Variants in GJA1 observed in about 807,000 individuals in gnomAD.
GJA1 encodes gap junction alpha-1 protein.
In GJA1, 9 loss-of-function variants were observed where a neutral mutation model predicts 31.0. The ratio of observed to expected loss-of-function variants is 0.29; its 90% CI spans 0.17 to 0.51. GJA1 has a LOEUF of 0.51. GJA1 is among the 20% of genes least tolerant of loss of function. The pLI is 0.98. For missense variants in GJA1, 278 were observed against 468.8 expected (o/e 0.59, Z 3.76); for synonymous variants, 186 against 180.1 (o/e 1.03, Z -0.26).
rs575633432 is a variant in GJA1, at chr6:121,446,550, G to T, written c.-16-282G>T. On this transcript the variant is annotated intron_variant, in intron 1 of 1. Coordinates refer to ENST00000282561, the MANE Select transcript of GJA1 (RefSeq NM_000165.5). Reference sequence around the variant, plus strand: ...GCTTCTCAAGTCACACAGCAAGGCAGTGGTTGAGCAAGCAATACACCTTCC... The same window carrying T: ...GCTTCTCAAGTCACACAGCAAGGCATTGGTTGAGCAAGCAATACACCTTCC... Among the ~76,000 whole-genome samples, 8 of 152,356 alleles carry T rather than the reference G, an allele frequency of 5.3e-5. No individual in the cohort carries two copies. The East Asian group carries it at 1.5e-3, about 29-fold the overall frequency.
chr6:121,440,072 A>G (rs1773743125), intron 1 of GJA1, among the ~76,000 whole-genome samples: 1 of 152,212 alleles, frequency 6.6e-6, no homozygotes, highest in Non-Finnish European at 1.5e-5. Flanking sequence ...GATATTTATC[A>G]TTCTTGAAAT....
At position 121,447,802 on chromosome 6, in the gene GJA1, C is replaced by T. The variant is rs1773915286; in HGVS notation, c.955C>T (p.Arg319Ter). 6.2e-7 allele frequency: 1 copy of T among 1,613,764 alleles called. No individual in the cohort carries two copies. The highest frequency in any genetic ancestry group is 8.5e-7 in the Non-Finnish European group (1 of 1,179,894). Reference sequence around the variant, plus strand: ...GGCTAATTACAGTGCAGAACAAAATCGAATGGGGCAGGCGGGAAGCACCAT... The same window carrying T: ...GGCTAATTACAGTGCAGAACAAAATTGAATGGGGCAGGCGGGAAGCACCAT... ...NWANYSAEQN[R>*]MGQAGSTISN... Residue 319 changes from arginine to a stop codon, truncating the protein, a stop_gained, in exon 2 of 2, where the codon CGA becomes TGA. Transcript: ENST00000282561. LOFTEE classifies it high-confidence loss of function.
In GJA1 at chr6:121,447,932, G is replaced by A. The variant is rs2227885; in HGVS notation, c.1085G>A (p.Arg362Gln). Residue 362 changes from arginine to glutamine, a missense_variant, in exon 2 of 2, where the codon CGA becomes CAA. Physicochemically the swap from Arg to Gln is conservative, Grantham distance 43. Around this residue, in one of 3 missense-constraint regions of GJA1, gnomAD observed 172 missense variants for 190.9 expected, o/e 0.90. Coordinates refer to ENST00000282561, the MANE Select transcript of GJA1 (RefSeq NM_000165.5). ...ELQPLAIVDQ[R>Q]PSSRASSRAS... is the part of the protein sequence containing the mutation. Reference sequence around the variant, plus strand: ...CAGCCACTAGCCATTGTGGACCAGCGACCTTCAAGCAGAGCCAGCAGTCGT... The same window carrying A: ...CAGCCACTAGCCATTGTGGACCAGCAACCTTCAAGCAGAGCCAGCAGTCGT... 1.2e-4 allele frequency: 190 copies of A among 1,613,754 alleles called. No homozygotes were observed. The Admixed American group carries it at 1.9e-3, about 16-fold the overall frequency.
intron 1 of GJA1, among the ~76,000 whole-genome samples, chr6:121,436,153 A>G (rs1055671254): frequency 1.9e-5 from 2 of 105,744 alleles, no homozygotes; most frequent in Non-Finnish European, 3.5e-5. Flanking sequence ...TTTTGTAATC[A>G]GTAATAGTCT....
rs2228961 is a variant in GJA1 at position 121,447,349 on chromosome 6, G to A, written c.502G>A (p.Ala168Thr). The A allele has an allele frequency of 3.7e-5, 60 of 1,614,046 alleles. No individual in the cohort carries two copies. The highest frequency in any genetic ancestry group is 5.1e-5 in the Non-Finnish European group (60 of 1,179,992). Residue 168 changes from alanine to threonine, a missense_variant, in exon 2 of 2, where the codon GCC becomes ACC. Coordinates refer to ENST00000282561, the MANE Select transcript of GJA1 (RefSeq NM_000165.5). ...CCTCTTCAAGTCTATCTTTGAGGTG[G>A]CCTTCTTGCTGATCCAGTGGTACAT... ...SILFKSIFEV[A>T]FLLIQWYIYG...
Position 121,435,767 on chromosome 6 carries a change from T to C in GJA1, c.-82T>C, listed in dbSNP as rs1773650246. The C allele has an allele frequency of 6.6e-6, 1 of 152,266 alleles. No homozygotes were observed. Among genetic ancestry groups the C allele is most frequent in the African/African-American group, 2.4e-5 (1 of 41,464 alleles). 9.4% of individuals were successfully genotyped at this position (152,266 alleles called of 1,614,324 possible). A position where few individuals can be genotyped will look rare whatever the true frequency, so the allele number is the denominator to read the frequency against. On this transcript the variant is annotated 5_prime_UTR_variant, in exon 1 of 2. Transcript: ENST00000282561. ...GGTCTGAGTGCCTGAACTTGCCTTT[T>C]CATTTTACTTCATCCTCCAAGGAGT...
intron 1 of GJA1, among the ~76,000 whole-genome samples, chr6:121,443,253 C>CA (rs565201266): frequency 6.7e-5 from 10 of 148,988 alleles, no homozygotes; most frequent in Admixed American, 1.3e-4. Context: ...GAGCAACTAC[C>CA]AAAAAAAAAG....
At chr6:121,437,140 C>T (rs1582552559) in intron 1 of GJA1, among the ~76,000 whole-genome samples, 1 of 152,216 alleles carries the variant, frequency 6.6e-6, no homozygotes, top group African/African-American at 2.4e-5. Context: ...ATCCTTCCCG[C>T]GCCTTCGCTG....
chr6:121,445,686 T>C lies in GJA1; in HGVS notation c.-16-1146T>C, dbSNP rs1244672898. ...TGAGTAGTATTGAGACAAAATGAAC[T>C]TTTTACATGAAGTGTGATGTGTATT... On this transcript the variant is annotated intron_variant, in intron 1 of 1. Transcript: ENST00000282561. Among the ~76,000 whole-genome samples, 4 of 152,312 alleles carry C rather than the reference T, an allele frequency of 2.6e-5. No homozygotes were observed. In the East Asian group the frequency reaches 7.7e-4, roughly 29 times the overall value.
intron 1 of GJA1, among the ~76,000 whole-genome samples, chr6:121,441,992 CAT>C (rs1773801451): frequency 6.6e-6 from 1 of 152,156 alleles, no homozygotes; most frequent in African/African-American, 2.4e-5. Flanking sequence ...TAGACACACA[CAT>C]GATTTCCCTT....
rs749407310 is a variant in GJA1, at chr6:121,447,498, C to A, written c.651C>A (p.Ser217=). The A allele has an allele frequency of 3.7e-6, 6 of 1,613,942 alleles. No homozygotes were observed. In the South Asian group the frequency reaches 5.5e-5, roughly 15 times the overall value. The change falls in exon 2 of 2, where the codon TCC becomes TCA. Residue 217 remains serine, a synonymous_variant. Coordinates refer to ENST00000282561, the MANE Select transcript of GJA1 (RefSeq NM_000165.5). ...TIFIIFMLVV[S]LVSLALNIIE... ...TCATCATCTTCATGCTGGTGGTGTC[C>A]TTGGTGTCCCTGGCCTTGAATATCA...
intron 1 of GJA1, among the ~76,000 whole-genome samples, chr6:121,440,207 CTTTT>C (rs3840370): frequency 2.7e-5 from 4 of 145,670 alleles, no homozygotes; most frequent in Non-Finnish European, 6.1e-5. Flanking sequence ...GTGTTTTTTC[CTTTT>C]TTTTTTTGTT....
In GJA1 at chr6:121,435,671, T is replaced by C. The variant is rs1468636848; in HGVS notation, c.-178T>C. The C allele has an allele frequency of 6.6e-6, 1 of 152,146 alleles. No homozygotes were observed. Among genetic ancestry groups the C allele is most frequent in the Non-Finnish European group, 1.5e-5 (1 of 68,034 alleles). The allele number at this position is 152,146 out of a possible 1,614,324, so 9.4% of individuals were successfully genotyped here. On this transcript the variant is annotated 5_prime_UTR_variant, in exon 1 of 2. Transcript: ENST00000282561. ...AAAAGCTTTTACGAGGTATCAGCAC[T>C]TTTCTTTCATTAGGGGGAAGGCGTG... is the stretch of plus-strand genomic sequence containing the variant.
intron 1 of GJA1, among the ~76,000 whole-genome samples, chr6:121,438,378 A>C (rs1406488765): frequency 6.6e-6 from 1 of 152,204 alleles, no homozygotes; most frequent in Non-Finnish European, 1.5e-5. Context: ...CATGGTTGCA[A>C]AGATGCTCCG....
At position 121,447,893 on chromosome 6, in the gene GJA1, C is replaced by G. The variant is rs950278635; in HGVS notation, c.1046C>G (p.Ala349Gly). 1.2e-6 allele frequency: 2 copies of G among 1,613,838 alleles called. No homozygotes were observed. Among genetic ancestry groups the G allele is most frequent in the Non-Finnish European group, 1.7e-6 (2 of 1,179,818 alleles). ...DDNQNSKKLA[A>G]GHELQPLAIV... Reference sequence around the variant, plus strand: ...AACCAGAATTCTAAAAAACTAGCTGCTGGACATGAATTACAGCCACTAGCC... The same window carrying G: ...AACCAGAATTCTAAAAAACTAGCTGGTGGACATGAATTACAGCCACTAGCC... Residue 349 changes from alanine to glycine, a missense_variant, in exon 2 of 2, where the codon GCT becomes GGT. Physicochemically the swap from Ala to Gly is moderately conservative, Grantham distance 60. This residue lies in a region of GJA1 where 172 missense variants were observed against 190.9 expected (regional missense o/e 0.90). Transcript: ENST00000282561.
intron 1 of GJA1, among the ~76,000 whole-genome samples, chr6:121,446,227 G>A (rs548240851): frequency 2.0e-5 from 3 of 152,166 alleles, no homozygotes; most frequent in South Asian, 2.1e-4. Flanking sequence ...CCTAAGAGGC[G>A]GAAGTTGTGG....
intron 1 of GJA1, among the ~76,000 whole-genome samples, chr6:121,439,904 A>T (rs1187513304): frequency 1.3e-5 from 2 of 152,210 alleles, no homozygotes; most frequent in Non-Finnish European, 2.9e-5. Flanking sequence ...TAAATAAGGA[A>T]GTAAAGGTTG....
Position 121,447,604 on chromosome 6 carries a change from G to A in GJA1, c.757G>A (p.Ala253Thr), listed in dbSNP as rs774276262. ...CGACCCTTACCATGCGACCAGTGGT[G>A]CGCTGAGCCCTGCCAAAGACTGTGG... ...KSDPYHATSG[A>T]LSPAKDCGSQ... Residue 253 changes from alanine to threonine, a missense_variant, in exon 2 of 2, where the codon GCG becomes ACG. Ala to Thr is a moderately conservative substitution (Grantham distance 58, BLOSUM62 0). Around this residue, in one of 3 missense-constraint regions of GJA1, gnomAD observed 172 missense variants for 190.9 expected, o/e 0.90. Coordinates refer to ENST00000282561, the MANE Select transcript of GJA1 (RefSeq NM_000165.5). 6.2e-7 allele frequency: 1 copy of A among 1,613,998 alleles called. No individual in the cohort carries two copies. Among genetic ancestry groups the A allele is most frequent in the Admixed American group, 1.7e-5 (1 of 60,008 alleles).
chr6:121,448,114 A>AT lies in GJA1; in HGVS notation c.*119dup, dbSNP rs1211976516. ...GAGGTGGTACTCAACAGCCTTATTC[A>AT]TGAGGCTTAGAAAACACAAAGACAT... On this transcript the variant is annotated 3_prime_UTR_variant, in exon 2 of 2. Transcript: ENST00000282561. 3 of 909,554 alleles carry AT rather than the reference A, an allele frequency of 3.3e-6. No individual in the cohort carries two copies. The African/African-American group carries it at 4.9e-5, about 15-fold the overall frequency. 56.3% of individuals were successfully genotyped at this position (909,554 alleles called of 1,614,324 possible). A position where few individuals can be genotyped will look rare whatever the true frequency, so the allele number is the denominator to read the frequency against.
Sources: allele counts gnomAD v4.1 joint callset (sites outside exome capture counted in the v4.1 genomes callset), GRCh38; gene constraint gnomAD v4.1.1; regional missense constraint gnomAD v4.1.1; transcripts MANE v1.5; gene names NCBI Gene and HGNC (gene_info 2026-07-23, HGNC 2026-07-21).